Variants in RBBP8 observed in about 807,000 individuals in gnomAD.
The protein encoded by RBBP8 is DNA endonuclease RBBP8.
In RBBP8, 88 loss-of-function variants were observed where a neutral mutation model predicts 108.3. The observed-to-expected ratio is 0.81, with a 90% CI of 0.68 to 0.97. RBBP8 has a LOEUF of 0.97. Ranked by LOEUF, RBBP8 falls within the 50% of genes least tolerant of loss-of-function variation. The pLI is 0.00. For synonymous variants in RBBP8, 332 were observed against 348.2 expected (o/e 0.95, Z 0.52); for missense variants, 1,023 against 1,049.0 (o/e 0.98, Z 0.34).
intron 17 of RBBP8, among the ~76,000 whole-genome samples, chr18:23,018,577 A>G (rs1339212114): frequency 2.6e-5 from 4 of 152,158 alleles, no homozygotes; most frequent in South Asian, 2.1e-4. Context: ...ATATTCTTTC[A>G]TATGCTTTAA....
At chr18:22,988,401 AC>A (rs1239354499) in intron 8 of RBBP8, among the ~76,000 whole-genome samples, 1 of 152,212 alleles carries the variant, frequency 6.6e-6, no homozygotes, top group East Asian at 1.9e-4. Context: ...CAGTCAAACC[AC>A]GCGTAGTTCC....
chr18:22,991,346 T>C (rs549762498), intron 10 of RBBP8, among the ~76,000 whole-genome samples: 4 of 152,334 alleles, frequency 2.6e-5, no homozygotes, highest in African/African-American at 4.8e-5. Context: ...GGGGTTTATA[T>C]TTCCCAAAAC....
intron 17 of RBBP8, among the ~76,000 whole-genome samples, chr18:23,019,356 G>A (rs976416625): frequency 6.6e-6 from 1 of 152,070 alleles, no homozygotes; most frequent in African/African-American, 2.4e-5. Flanking sequence ...AGTTTTTCTA[G>A]TTAATTTACC....
intron 15 of RBBP8, among the ~76,000 whole-genome samples, chr18:23,001,973 A>C (rs1449723284): frequency 6.6e-6 from 1 of 152,220 alleles, no homozygotes; most frequent in Non-Finnish European, 1.5e-5. Flanking sequence ...TTATATAGCT[A>C]TAAAATATTT....
At chr18:22,986,785 C>A (rs1178050363) in intron 8 of RBBP8, among the ~76,000 whole-genome samples, 2 of 151,692 alleles carry the variant, frequency 1.3e-5, no homozygotes, top group Non-Finnish European at 2.9e-5. Flanking sequence ...AGCTACAAAT[C>A]ATTTTATATT....
rs371116260 is a variant in RBBP8, at chr18:23,026,201, C to A, written c.2655C>A (p.Asn885Lys). Residue 885 changes from asparagine (N) to lysine (K), a missense_variant, in exon 19 of 19, where the codon AAC becomes AAA. Physicochemically the swap from Asn to Lys is moderately conservative, Grantham distance 94. Coordinates refer to ENST00000327155, the MANE Select transcript of RBBP8 (RefSeq NM_002894.3). Reference sequence around the variant, plus strand: ...GTCCAAAAAGACGTCAGCCTTACAACGCAATATTTTCTCCAAAAGGCAAGG... The same window carrying A: ...GTCCAAAAAGACGTCAGCCTTACAAAGCAATATTTTCTCCAAAAGGCAAGG... ...CPRPKRRQPY[N>K]AIFSPKGKEQ... 5.6e-6 allele frequency: 9 copies of A among 1,613,626 alleles called. No individual in the cohort carries two copies. The highest frequency in any genetic ancestry group is 3.3e-5 in the Admixed American group (2 of 59,988).
intron 17 of RBBP8, among the ~76,000 whole-genome samples, chr18:23,019,594 G>C (rs1012714528): frequency 1.3e-5 from 2 of 152,000 alleles, no homozygotes; most frequent in African/African-American, 4.8e-5. Context: ...TCACTGCTGA[G>C]TCTCCTATAT....
At chr18:22,964,576 C>T (rs1913408087) in intron 4 of RBBP8, among the ~76,000 whole-genome samples, 1 of 150,444 alleles carries the variant, frequency 6.6e-6, no homozygotes, top group Non-Finnish European at 1.5e-5. Flanking sequence ...ATTTTCTTAG[C>T]TTTACTTTCT....
At chr18:22,948,368 A>G (rs770485819) in intron 3 of RBBP8, among the ~76,000 whole-genome samples, 4 of 151,836 alleles carry the variant, frequency 2.6e-5, no homozygotes, top group Non-Finnish European at 4.4e-5. Flanking sequence ...AGTAGGAAAT[A>G]TTTTATTTAT....
rs991497127 is a variant in RBBP8, at chr18:22,993,502, A to G, written c.1675A>G (p.Ile559Val). The change falls in exon 11 of 19, where the codon ATC (isoleucine) becomes GTC (valine). Residue 559 changes from isoleucine (I) to valine (V), a missense_variant. By Grantham distance (29) the Ile-to-Val change is conservative (BLOSUM62 3). Coordinates refer to ENST00000327155, the MANE Select transcript of RBBP8 (RefSeq NM_002894.3). ...AGGGGAGCCCTGTTCACAGGAATGCATCATCCTTCAGCCCTTGAATAAATG... is the reference window on the plus strand; with the variant it reads ...AGGGGAGCCCTGTTCACAGGAATGCGTCATCCTTCAGCCCTTGAATAAATG... ...SPGEPCSQEC[I>V]ILQPLNKCSP... 6.2e-7 allele frequency: 1 copy of G among 1,613,760 alleles called. No individual in the cohort carries two copies. The highest frequency in any genetic ancestry group is 8.5e-7 in the Non-Finnish European group (1 of 1,179,956).
At chr18:22,985,049 A>C in intron 8 of RBBP8, 59 bp downstream of exon 8, 4 of 1,602,284 alleles carry the variant, frequency 2.5e-6, no homozygotes, top group Non-Finnish European at 3.4e-6. Flanking sequence ...GGTGGGTAAC[A>C]GTGACCCACA....
chr18:22,932,082 T>C (rs1910064992), upstream of RBBP8, among the ~76,000 whole-genome samples: 1 of 152,074 alleles, frequency 6.6e-6, no homozygotes. Context: ...ATATGGAAGT[T>C]AGGGATGAAT....
intron 5 of RBBP8, among the ~76,000 whole-genome samples, chr18:22,969,914 T>G (rs1389181318): frequency 6.6e-6 from 1 of 152,212 alleles, no homozygotes; most frequent in Non-Finnish European, 1.5e-5. Context: ...AAGAATATTA[T>G]CAATGAGTAG....
At chr18:22,949,893 A>G in intron 4 of RBBP8, 180 bp downstream of exon 4, 1 of 574,076 alleles carries the variant, frequency 1.7e-6, no homozygotes, top group Non-Finnish European at 3.1e-6. Flanking sequence ...ATTAATTCTG[A>G]GATCACATCA....
chr18:22,926,386 G>A (rs1319891004), intron 3 of RBBP8, among the ~76,000 whole-genome samples: 1 of 152,186 alleles, frequency 6.6e-6, no homozygotes, highest in East Asian at 1.9e-4. Context: ...TCGTGCCACT[G>A]CACTCCAGCA....
rs763706415 is a variant in RBBP8, at chr18:22,975,120, A to G, written c.362-33A>G. 3.2e-6 allele frequency: 5 copies of G among 1,581,042 alleles called. No individual in the cohort carries two copies. In the South Asian group the frequency reaches 5.7e-5, roughly 18 times the overall value. ...CTAACATAGATGTTAATATAAATAT[A>G]TTATTTGCCTTCTTTTTCACATTGT... is the stretch of plus-strand genomic sequence containing the variant. On this transcript the variant is annotated intron_variant, in intron 5 of 18. Coordinates refer to ENST00000327155, the MANE Select transcript of RBBP8 (RefSeq NM_002894.3).
chr18:22,960,829 C>A (rs1033398392), intron 4 of RBBP8, among the ~76,000 whole-genome samples: 5 of 152,000 alleles, frequency 3.3e-5, no homozygotes, highest in Non-Finnish European at 7.4e-5. Context: ...TTTTAAATAT[C>A]ACAACTATAT....
At chr18:22,961,078 T>C (rs1467688601) in intron 4 of RBBP8, among the ~76,000 whole-genome samples, 1 of 152,244 alleles carries the variant, frequency 6.6e-6, no homozygotes, top group Non-Finnish European at 1.5e-5. Context: ...ATCATTTTTG[T>C]TTGTTTAATT....
intron 12 of RBBP8, 23 bp downstream of exon 12, chr18:22,993,870 C>G: frequency 6.2e-7 from 1 of 1,605,572 alleles, no homozygotes; most frequent in Non-Finnish European, 8.5e-7. Flanking sequence ...TAAACAGGAT[C>G]TCCACTTTTT....
Sources: gnomAD v4.1 joint callset for allele counts (sites outside exome capture counted in the v4.1 genomes callset) on GRCh38, gnomAD v4.1.1 for gene constraint, MANE v1.5 for transcripts, NCBI Gene and HGNC (gene_info 2026-07-23, HGNC 2026-07-21) for gene names.